The following SIK3 variants were observed in gnomAD, a reference collection of about 807,000 sequenced individuals.
SIK3 encodes the protein SIK family kinase 3.
A neutral mutation model predicts 144.2 loss-of-function variants in SIK3; 28 were observed. The ratio of observed to expected loss-of-function variants is 0.19; its 90% CI spans 0.14 to 0.27. SIK3 has a LOEUF of 0.27. Among genes scored for constraint, SIK3 ranks in the 10% least tolerant of loss-of-function variants. The probability of loss-of-function intolerance (pLI) is 1.00; values close to 1 mark genes in which losing one functional copy is unlikely to be tolerated. For synonymous variants in SIK3, 686 were observed against 676.3 expected, an observed-to-expected ratio of 1.01 and a Z score of -0.22; for missense variants, 1,319 against 1,776.0, an observed-to-expected ratio of 0.74 and a Z score of 4.62.
intron 1 of SIK3, among the ~76,000 whole-genome samples, chr11:117,048,624 C>T (rs900286144): frequency 6.6e-6 from 1 of 152,088 alleles, no homozygotes; most frequent in African/African-American, 2.4e-5. Context: ...CCATTGCACT[C>T]CAGCCTGGGC....
intron 1 of SIK3, among the ~76,000 whole-genome samples, chr11:117,097,888 G>A (rs2134119491): frequency 6.6e-6 from 1 of 151,610 alleles, no homozygotes; most frequent in East Asian, 2.0e-4. Flanking sequence ...CCTCAGCCCC[G>A]AGGACCCCTC....
At chr11:116,978,335 C>T (rs1950024892) in intron 1 of SIK3, among the ~76,000 whole-genome samples, 1 of 152,102 alleles carries the variant, frequency 6.6e-6, no homozygotes, top group African/African-American at 2.4e-5. Context: ...ATATTCAAAC[C>T]ATAGTTCCTA....
At chr11:117,037,435 A>G (rs955649152) in intron 1 of SIK3, among the ~76,000 whole-genome samples, 1 of 152,186 alleles carries the variant, frequency 6.6e-6, no homozygotes, top group South Asian at 2.1e-4. Context: ...GCAAAACAAG[A>G]CTAATTGCCA....
intron 1 of SIK3, among the ~76,000 whole-genome samples, chr11:117,007,938 G>T (rs1346313777): frequency 6.6e-6 from 1 of 151,796 alleles, no homozygotes; most frequent in African/African-American, 2.4e-5. Context: ...ACAAAAATTA[G>T]CTGGGCATAG....
At chr11:116,947,569 A>ATTTTT (rs1555107834) in intron 3 of SIK3, among the ~76,000 whole-genome samples, 5 of 109,448 alleles carry the variant, frequency 4.6e-5, no homozygotes. Context: ...GTATGTATGT[A>ATTTTT]TTTTTTTTTT....
chr11:116,954,514 GAA>G (rs1949067844), intron 2 of SIK3, among the ~76,000 whole-genome samples: 1 of 151,434 alleles, frequency 6.6e-6, no homozygotes, highest in African/African-American at 2.4e-5. Context: ...AGCCTTTGGG[GAA>G]AATAATGGGA....
rs1421120075 is a variant in SIK3, at chr11:116,845,122, G to T, written c.*521C>A. 1.3e-5 allele frequency: 2 copies of T among 152,098 alleles called. No individual in the cohort carries two copies. The highest frequency in any genetic ancestry group is 2.9e-5 in the Non-Finnish European group (2 of 68,030). The allele number at this position is 152,098 out of a possible 1,614,324, so 9.4% of individuals were successfully genotyped here. Reference sequence around the variant, plus strand: ...TTTGCCTGCCATTAGGATTCCAGAGGATGGCATCCTTTAGTATTTGCTTTC... The same window carrying T: ...TTTGCCTGCCATTAGGATTCCAGAGTATGGCATCCTTTAGTATTTGCTTTC... On this transcript the variant is annotated 3_prime_UTR_variant, in exon 25 of 25. Coordinates refer to ENST00000445177, the MANE Select transcript of SIK3 (RefSeq NM_001366686.3).
intron 1 of SIK3, among the ~76,000 whole-genome samples, chr11:117,069,929 A>T (rs1356640164): frequency 6.6e-6 from 1 of 152,248 alleles, no homozygotes; most frequent in African/African-American, 2.4e-5. Context: ...TCTTTATGAG[A>T]AATTCGATTT....
At chr11:117,061,668 C>T (rs1217163835) in intron 1 of SIK3, among the ~76,000 whole-genome samples, 3 of 152,206 alleles carry the variant, frequency 2.0e-5, no homozygotes, top group Non-Finnish European at 4.4e-5. Context: ...TCTCAGGCCA[C>T]TCCAGCCCTA....
At chr11:116,920,716 T>C (rs1946919221) in intron 4 of SIK3, among the ~76,000 whole-genome samples, 1 of 152,194 alleles carries the variant, frequency 6.6e-6, no homozygotes, top group Non-Finnish European at 1.5e-5. Context: ...ACAATATTTA[T>C]GTCCTTTATC....
rs1949218983 is a variant in SIK3, at chr11:116,958,282, T to C, written c.274-1218A>G. On this transcript the variant is annotated intron_variant, in intron 1 of 24. Transcript: ENST00000445177. ...ACTGTTTGGAGCCATACGTGGCAGA[T>C]TATTCAGATGTATAAATGGCTGGCA... 3.3e-5 allele frequency among the ~76,000 whole-genome samples: 5 copies of C among 152,232 alleles called. No individual in the cohort carries two copies. In the South Asian group the frequency reaches 1.0e-3, roughly 31 times the overall value.
rs1225076136 is a variant in SIK3 at position 116,844,620 on chromosome 11, T to A, written c.*1023A>T. ...TTTTATATATATATTATATATATAA[T>A]ATATATATAATATATTATATTATAT... is the stretch of plus-strand genomic sequence containing the variant. On this transcript the variant is annotated 3_prime_UTR_variant, in exon 25 of 25. Coordinates refer to ENST00000445177, the MANE Select transcript of SIK3 (RefSeq NM_001366686.3). The A allele has an allele frequency of 5.0e-5, 2 of 39,778 alleles. No individual in the cohort carries two copies. Among genetic ancestry groups the A allele is most frequent in the African/African-American group, 2.3e-4 (1 of 4,382 alleles). 2.5% of individuals were successfully genotyped at this position (39,778 alleles called of 1,614,324 possible).
intron 1 of SIK3, among the ~76,000 whole-genome samples, chr11:117,013,472 C>A (rs144470186): frequency 2.2e-4 from 33 of 152,140 alleles, no homozygotes; most frequent in African/African-American, 7.5e-4. Context: ...GAGTGAAACT[C>A]CATTTCAAAA....
chr11:116,862,413 C>T, intron 16 of SIK3, 86 bp from the exon 17 acceptor site: 3 of 1,567,908 alleles, frequency 1.9e-6, no homozygotes, highest in Non-Finnish European at 2.6e-6. Flanking sequence ...TGCCTCCAAG[C>T]TCTCATGGGC....
chr11:116,861,603 C>T (rs1236269661), intron 18 of SIK3, among the ~76,000 whole-genome samples: 1 of 152,096 alleles, frequency 6.6e-6, no homozygotes, highest in Non-Finnish European at 1.5e-5. Context: ...TCATTGTGGG[C>T]CTATGTCTGG....
chr11:116,847,671 A>G (rs1164836924), intron 22 of SIK3, 63 bp from the exon 23 acceptor site: 7 of 1,604,530 alleles, frequency 4.4e-6, no homozygotes, highest in Non-Finnish European at 6.0e-6. Context: ...CAACCCCTAG[A>G]GACAGCTGGT....
At chr11:116,896,161 C>A (rs1945385710) in intron 6 of SIK3, 92 bp downstream of exon 6, 3 of 1,538,344 alleles carry the variant, frequency 2.0e-6, no homozygotes, top group East Asian at 2.3e-5. Context: ...TGTAAGTGGG[C>A]CATTTATACT....
In SIK3 at chr11:116,859,253, A is replaced by T; in HGVS notation, c.2765+12T>A. The T allele has an allele frequency of 6.3e-7, 1 of 1,590,262 alleles. No individual in the cohort carries two copies. The highest frequency in any genetic ancestry group is 1.1e-5 in the South Asian group (1 of 88,648). On this transcript the variant is annotated intron_variant, in intron 20 of 24. Coordinates refer to ENST00000445177, the MANE Select transcript of SIK3 (RefSeq NM_001366686.3). ...CATGCATAGATGGCTGGGTGACGTT[A>T]GGCGGTCTTACCTGTGAGCCTCTGC...
At chr11:116,986,376 CTGTTCTTG>C (rs1565528802) in intron 1 of SIK3, among the ~76,000 whole-genome samples, 12 of 152,120 alleles carry the variant, frequency 7.9e-5, no homozygotes, top group African/African-American at 2.9e-4. Flanking sequence ...TCATTATTAG[CTGTTCTTG>C]TTGTTGTTAT....
Sources: allele counts gnomAD v4.1 joint callset (sites outside exome capture counted in the v4.1 genomes callset), GRCh38; gene constraint gnomAD v4.1.1; transcripts MANE v1.5; gene names NCBI Gene and HGNC (gene_info 2026-07-23, HGNC 2026-07-21).